Variants in TRRAP observed in about 807,000 individuals in gnomAD.
TRRAP encodes transformation/transcription domain associated protein.
In TRRAP, 41 loss-of-function variants were observed where a neutral mutation model predicts 438.8. That is an observed-to-expected ratio of 0.09 (90% CI 0.07 to 0.12). The LOEUF (loss-of-function observed/expected upper bound fraction) is 0.12, where lower values mean the gene tolerates loss of function less well. Among genes scored for constraint, TRRAP ranks in the 10% least tolerant of loss-of-function variants. The pLI is 1.00. For synonymous variants in TRRAP, 1,994 were observed against 1,962.9 expected (o/e 1.02, Z -0.42); for missense variants, 3,122 against 5,055.1 (o/e 0.62, Z 11.60).
chr7:98,890,518 A>G, intron 4 of TRRAP, 73 bp downstream of exon 4: 3 of 1,085,412 alleles, frequency 2.8e-6, no homozygotes, highest in Non-Finnish European at 3.7e-6. Context: ...AACTCAGAAA[A>G]CTTACGGTTC....
At chr7:98,974,420 C>T (rs969830698) in intron 53 of TRRAP, among the ~76,000 whole-genome samples, 2 of 152,134 alleles carry the variant, frequency 1.3e-5, no homozygotes, top group Non-Finnish European at 2.9e-5. Flanking sequence ...TCTCTTTCAC[C>T]TCATTTCCCA....
chr7:98,886,251 T>C (rs183821329), intron 3 of TRRAP, among the ~76,000 whole-genome samples: 64 of 152,168 alleles, frequency 4.2e-4, no homozygotes, highest in African/African-American at 1.2e-3. Flanking sequence ...GATCATGCCA[T>C]TGCACTCCAG....
In TRRAP at chr7:98,976,557, G is replaced by A. The variant is rs202052450; in HGVS notation, c.8034G>A (p.Ala2678=). The A allele has an allele frequency of 3.7e-5, 59 of 1,614,042 alleles. No homozygotes were observed. The highest frequency in any genetic ancestry group is 3.2e-4 in the African/African-American group (24 of 75,046). Residue 2678 remains alanine (A), a synonymous_variant, in exon 55 of 73, where the codon GCG becomes GCA. Coordinates refer to ENST00000456197, the MANE Select transcript of TRRAP (RefSeq NM_001375524.1). This position sits in a 1 kb window ranked among gnomAD's most constrained non-coding sequence, Gnocchi z 4.6. The part of the protein sequence containing the change: ...HQVQRDCQPS[A]LNCFVEAMSQ... ...TGCAGCGGGACTGCCAGCCCAGCGCGCTGAACTGCTTTGTGGAAGCCATGT... is the reference window on the plus strand; with the variant it reads ...TGCAGCGGGACTGCCAGCCCAGCGCACTGAACTGCTTTGTGGAAGCCATGT...
rs540528385 is a variant in TRRAP at position 98,994,341 on chromosome 7, T to C, written c.10048-246T>C. Among the ~76,000 whole-genome samples the C allele has an allele frequency of 6.6e-6, 1 of 152,302 alleles. No individual in the cohort carries two copies. Among genetic ancestry groups the C allele is most frequent in the East Asian group, 1.9e-4 (1 of 5,174 alleles). On this transcript the variant is annotated intron_variant, in intron 66 of 72. Coordinates refer to ENST00000456197, the MANE Select transcript of TRRAP (RefSeq NM_001375524.1). This position sits in a 1 kb window ranked among gnomAD's most constrained non-coding sequence, Gnocchi z 4.8. ...GTATGATCCAAAAAAGTGGGGCTTT[T>C]CTGTTTTCGCTTTTTGAATGTTCAG...
intron 62 of TRRAP, among the ~76,000 whole-genome samples, chr7:98,986,184 C>A (rs1793142702): frequency 6.7e-6 from 1 of 150,110 alleles, no homozygotes; most frequent in Non-Finnish European, 1.5e-5. Flanking sequence ...TTTATCCATG[C>A]AGCAGTTGAT....
rs141778269 is a variant in TRRAP at position 99,008,383 on chromosome 7, G to A, written c.10760G>A (p.Arg3587Gln). 260 of 1,613,918 alleles carry A rather than the reference G, an allele frequency of 1.6e-4. No homozygotes were observed. Among genetic ancestry groups the A allele is most frequent in the East Asian group, 2.5e-4 (11 of 44,896 alleles). Residue 3587 changes from arginine to glutamine, a missense_variant, in exon 70 of 73, where the codon CGG becomes CAG. By Grantham distance (43) the Arg-to-Gln change is conservative. Around this residue, in one of 24 missense-constraint regions of TRRAP, gnomAD observed 95 missense variants for 144.1 expected, o/e 0.66. Coordinates refer to ENST00000456197, the MANE Select transcript of TRRAP (RefSeq NM_001375524.1). ...TCTCTTCCTCTCTCCCCAGTGCCCC[G>A]GGTTGTGGCAGTTTCCCCACAGATG... ...TKRHLFFTVP[R>Q]VVAVSPQMRL...
In TRRAP at chr7:99,011,933, C is replaced by T; in HGVS notation, c.11338-138C>T. 3 of 1,149,974 alleles carry T rather than the reference C, an allele frequency of 2.6e-6. No homozygotes were observed. Among genetic ancestry groups the T allele is most frequent in the Non-Finnish European group, 3.7e-6 (3 of 821,486 alleles). 71.2% of individuals were successfully genotyped at this position (1,149,974 alleles called of 1,614,324 possible). On this transcript the variant is annotated intron_variant, in intron 72 of 72. Transcript: ENST00000456197. The surrounding 1 kb of genome is among the most constrained non-coding windows in gnomAD (Gnocchi z 7.1). ...CCCAGCCCGTCCTGAGGGCACACAG[C>T]CTGGCCTGGTGCTGAAACTCGACTG...
chr7:98,903,653 C>G, intron 12 of TRRAP, 136 bp downstream of exon 12: 1 of 1,259,274 alleles, frequency 7.9e-7, no homozygotes, highest in African/African-American at 1.5e-5. Flanking sequence ...TGGGTTCATT[C>G]TTTCCCCTCT....
At position 98,948,283 on chromosome 7, in the gene TRRAP, A is replaced by T; in HGVS notation, c.4611A>T (p.Thr1537=). 1 of 1,614,212 alleles carries T rather than the reference A, an allele frequency of 6.2e-7. No individual in the cohort carries two copies. Among genetic ancestry groups the T allele is most frequent in the East Asian group, 2.2e-5 (1 of 44,876 alleles). The change falls in exon 34 of 73, where the codon ACA becomes ACT. Residue 1537 remains threonine (T), a synonymous_variant. Transcript: ENST00000456197. This position sits in a 1 kb window ranked among gnomAD's most constrained non-coding sequence, Gnocchi z 4.9. Reference sequence around the variant, plus strand: ...ATCTGATCCCGGCTGCTCCTCAGACACTGGTGAAGCCTTTGCTAGAGGTTG... The same window carrying T: ...ATCTGATCCCGGCTGCTCCTCAGACTCTGGTGAAGCCTTTGCTAGAGGTTG... ...LFHLIPAAPQ[T]LVKPLLEVVM...
chr7:98,911,687 G>A (rs1371022926), intron 17 of TRRAP, among the ~76,000 whole-genome samples: 1 of 151,668 alleles, frequency 6.6e-6, no homozygotes, highest in African/African-American at 2.4e-5. Flanking sequence ...GATTGTTTGA[G>A]CCCAGGAGGT....
rs899505518 is a variant in TRRAP, at chr7:98,984,331, C to A, written c.9261C>A (p.Gly3087=). 6 of 1,591,330 alleles carry A rather than the reference C, an allele frequency of 3.8e-6. No homozygotes were observed. Among genetic ancestry groups the A allele is most frequent in the African/African-American group, 1.3e-5 (1 of 74,196 alleles). Residue 3087 remains glycine, a synonymous_variant, in exon 61 of 73, where the codon GGC becomes GGA. Transcript: ENST00000456197. ...TTAAATGCTACCTCCAGCTGGCAGG[C>A]GTCATGGGCAAAAACGAGTGCATGC... ...QQVKCYLQLA[G]VMGKNECMQG...
Position 98,931,423 on chromosome 7 carries a change from G to A in TRRAP, c.3610G>A (p.Ala1204Thr). The A allele has an allele frequency of 1.9e-6, 3 of 1,613,842 alleles. No homozygotes were observed. Among genetic ancestry groups the A allele is most frequent in the Non-Finnish European group, 2.5e-6 (3 of 1,179,962 alleles). ...LTGEVSNGAVAMAKTTLEQLL... is the reference protein window; with the variant it reads ...LTGEVSNGAVTMAKTTLEQLL... ...CTTGCAGGTTTCCAATGGGGCAGTC[G>A]CTATGGCAAAGACCACGCTGGAGCA... The change falls in exon 26 of 73, where the codon GCT becomes ACT. Residue 1204 changes from alanine (A) to threonine (T), a missense_variant. By Grantham distance (58) the Ala-to-Thr change is moderately conservative. This residue lies in a region of TRRAP where 153 missense variants were observed against 223.0 expected (regional missense o/e 0.69). Coordinates refer to ENST00000456197, the MANE Select transcript of TRRAP (RefSeq NM_001375524.1).
In TRRAP at chr7:99,008,383, G is replaced by T. The variant is rs141778269; in HGVS notation, c.10760G>T (p.Arg3587Leu). The change falls in exon 70 of 73, where the codon CGG becomes CTG. Residue 3587 changes from arginine (R) to leucine (L), a missense_variant. Arg to Leu is a moderately radical substitution (Grantham distance 102). Coordinates refer to ENST00000456197, the MANE Select transcript of TRRAP (RefSeq NM_001375524.1). Reference sequence around the variant, plus strand: ...TCTCTTCCTCTCTCCCCAGTGCCCCGGGTTGTGGCAGTTTCCCCACAGATG... The same window carrying T: ...TCTCTTCCTCTCTCCCCAGTGCCCCTGGTTGTGGCAGTTTCCCCACAGATG... ...TKRHLFFTVP[R>L]VVAVSPQMRL... 1 of 1,614,036 alleles carries T rather than the reference G, an allele frequency of 6.2e-7. No individual in the cohort carries two copies. Among genetic ancestry groups the T allele is most frequent in the Non-Finnish European group, 8.5e-7 (1 of 1,179,930 alleles).
At chr7:98,995,260 G>C (rs1793599925) in intron 67 of TRRAP, among the ~76,000 whole-genome samples, 1 of 151,980 alleles carries the variant, frequency 6.6e-6, no homozygotes, top group South Asian at 2.1e-4. Context: ...GAGCCGGTAG[G>C]AGATGGCACC....
chr7:98,931,675 C>G lies in TRRAP; in HGVS notation c.3852+10C>G, dbSNP rs782085745. On this transcript the variant is annotated intron_variant, in intron 26 of 72. Transcript: ENST00000456197. Reference sequence around the variant, plus strand: ...GGAACCCCACAAAGAGGTGAGATTTCTGTCACCAGAACCAAGGTAATTTCA... The same window carrying G: ...GGAACCCCACAAAGAGGTGAGATTTGTGTCACCAGAACCAAGGTAATTTCA... 2 of 1,607,160 alleles carry G rather than the reference C, an allele frequency of 1.2e-6. No homozygotes were observed. The highest frequency in any genetic ancestry group is 4.5e-5 in the East Asian group (2 of 44,694).
At chr7:98,999,313 C>T (rs1793812460) in intron 67 of TRRAP, 4 of 1,347,972 alleles carry the variant, frequency 3.0e-6, no homozygotes, top group Non-Finnish European at 4.3e-6. Context: ...ATCTGCTAAG[C>T]TTGATCAAAG....
At position 98,948,008 on chromosome 7, in the gene TRRAP, A is replaced by T. The variant is rs144769618; in HGVS notation, c.4549-213A>T. Among the ~76,000 whole-genome samples the T allele has an allele frequency of 7.9e-5, 12 of 152,336 alleles. No individual in the cohort carries two copies. The East Asian group carries it at 2.3e-3, about 29-fold the overall frequency. On this transcript the variant is annotated intron_variant, in intron 33 of 72. Transcript: ENST00000456197. This position sits in a 1 kb window ranked among gnomAD's most constrained non-coding sequence, Gnocchi z 4.9. ...GCCCCTCCACACCCCTACAATGGAC[A>T]GGAATGCTGAAGGCCACGGGCAGTC... is the stretch of plus-strand genomic sequence containing the variant.
chr7:99,011,550 C>A lies in TRRAP; in HGVS notation c.11337+15C>A. ...CAAACTTTAAGGTGGGTCTCCACGTCGTCCTATCACAGGCGCAGGCTAGAG... is the reference window on the plus strand; with the variant it reads ...CAAACTTTAAGGTGGGTCTCCACGTAGTCCTATCACAGGCGCAGGCTAGAG... On this transcript the variant is annotated intron_variant, in intron 72 of 72. Transcript: ENST00000456197. The surrounding 1 kb of genome is among the most constrained non-coding windows in gnomAD (Gnocchi z 7.1). 1 of 1,609,676 alleles carries A rather than the reference C, an allele frequency of 6.2e-7. No individual in the cohort carries two copies. The highest frequency in any genetic ancestry group is 1.1e-5 in the South Asian group (1 of 90,176).
intron 3 of TRRAP, among the ~76,000 whole-genome samples, chr7:98,886,932 TTGC>T (rs1419073512): frequency 2.0e-5 from 3 of 152,168 alleles, no homozygotes; most frequent in Admixed American, 2.0e-4. Flanking sequence ...AGACAACGTC[TTGC>T]TATGGAGTAT....
Sources: allele counts gnomAD v4.1 joint callset (sites outside exome capture counted in the v4.1 genomes callset), GRCh38; gene constraint gnomAD v4.1.1; regional missense constraint gnomAD v4.1.1; non-coding constraint Gnocchi (gnomAD v3.1); transcripts MANE v1.5; gene names NCBI Gene and HGNC (gene_info 2026-07-23, HGNC 2026-07-21).